The following ANO2 variants were observed in gnomAD, a reference collection of about 807,000 sequenced individuals.
ANO2 encodes the protein anoctamin 2.
ANO2 carries 101 observed loss-of-function variants against 124.2 expected under a neutral mutation model. The ratio of observed to expected loss-of-function variants is 0.81; its 90% CI spans 0.69 to 0.96. The LOEUF (loss-of-function observed/expected upper bound fraction) is 0.96, where lower values mean the gene tolerates loss of function less well. Among genes scored for constraint, ANO2 ranks in the 40% least tolerant of loss-of-function variants. The pLI is 0.00. For synonymous variants in ANO2, 486 were observed against 482.5 expected (o/e 1.01, Z -0.09); for missense variants, 1,293 against 1,274.5 (o/e 1.01, Z -0.22).
intron 20 of ANO2, 147 bp downstream of exon 20, chr12:5,599,337 T>G: frequency 1.0e-6 from 1 of 984,380 alleles, no homozygotes; most frequent in Non-Finnish European, 1.5e-6. Flanking sequence ...CATGTGGCAC[T>G]GAAGGGAACA....
intron 1 of ANO2, among the ~76,000 whole-genome samples, chr12:5,934,786 T>C (rs1339293262): frequency 1.2e-4 from 18 of 152,218 alleles, no homozygotes; most frequent in Admixed American, 1.1e-3. Context: ...TCCCTCCGTG[T>C]CCCTCATCAT....
intron 4 of ANO2, among the ~76,000 whole-genome samples, chr12:5,853,342 T>TA (rs35363284): frequency 2.0e-3 from 295 of 145,728 alleles, no homozygotes; most frequent in African/African-American, 6.1e-3. Context: ...TATCCTGGAT[T>TA]AAAAAAAAAA....
chr12:5,869,927 A>G (rs1191320456), intron 3 of ANO2, among the ~76,000 whole-genome samples: 1 of 152,200 alleles, frequency 6.6e-6, no homozygotes, highest in East Asian at 1.9e-4. Flanking sequence ...AGGAAGAAAC[A>G]TAACTACTGC....
chr12:5,722,787 C>G (rs1421796741), intron 14 of ANO2, among the ~76,000 whole-genome samples: 1 of 152,070 alleles, frequency 6.6e-6, no homozygotes, highest in African/African-American at 2.4e-5. Flanking sequence ...TGAATTTATA[C>G]GTGAATAAAA....
At chr12:5,883,996 C>G (rs1591739507) in intron 3 of ANO2, among the ~76,000 whole-genome samples, 1 of 152,068 alleles carries the variant, frequency 6.6e-6, no homozygotes. Context: ...TTGAAAAAAC[C>G]AAGTCACAGA....
intron 7 of ANO2, among the ~76,000 whole-genome samples, chr12:5,822,637 C>A (rs1051348407): frequency 9.2e-5 from 14 of 152,164 alleles, no homozygotes; most frequent in African/African-American, 3.4e-4. Context: ...CAACCAGCTA[C>A]ATGATGGCAG....
At chr12:5,879,990 G>C (rs6489668) in intron 3 of ANO2, among the ~76,000 whole-genome samples, 70,167 of 151,854 alleles carry the variant, frequency 0.46, 16,422 homozygotes, top group South Asian at 0.59. Flanking sequence ...AATCACACAA[G>C]GGTAGATAGT....
chr12:5,917,494 TATTTA>T (rs1259200855), intron 3 of ANO2, among the ~76,000 whole-genome samples: 1 of 152,132 alleles, frequency 6.6e-6, no homozygotes, highest in Admixed American at 6.6e-5. Flanking sequence ...CTAGGTACTT[TATTTA>T]GTTACCTTGT....
At chr12:5,565,495 G>C (rs992826803) in intron 24 of ANO2, 63 bp downstream of exon 24, 34 of 1,353,440 alleles carry the variant, frequency 2.5e-5, no homozygotes, top group Non-Finnish European at 3.0e-5. Flanking sequence ...CAAGCAATGA[G>C]TGCAGTGTCC....
At chr12:5,940,588 T>A (rs1205578401) in intron 1 of ANO2, among the ~76,000 whole-genome samples, 3 of 152,178 alleles carry the variant, frequency 2.0e-5, no homozygotes, top group Non-Finnish European at 1.5e-5. Context: ...TTCACGTCCA[T>A]GAGGATGGCT....
Position 5,713,427 on chromosome 12 carries a change from G to A in ANO2, c.1545+19093C>T, listed in dbSNP as rs189804731. 2.5e-4 allele frequency among the ~76,000 whole-genome samples: 38 copies of A among 152,200 alleles called. No homozygotes were observed. In the East Asian group the frequency reaches 4.1e-3, roughly 16 times the overall value. On this transcript the variant is annotated intron_variant, in intron 14 of 24. Transcript: ENST00000682330. ...GTGTTTAAAGTTCTCTGTGGGTCTCGAAGTTCTTTAAACATTCCCTTCCAG... is the reference window on the plus strand; with the variant it reads ...GTGTTTAAAGTTCTCTGTGGGTCTCAAAGTTCTTTAAACATTCCCTTCCAG...
chr12:5,632,915 A>T (rs528118284), intron 16 of ANO2, among the ~76,000 whole-genome samples: 12 of 151,816 alleles, frequency 7.9e-5, no homozygotes, highest in Non-Finnish European at 1.5e-4. Flanking sequence ...TGGATCTCCT[A>T]CCTCTCCCTA....
At chr12:5,640,785 A>G (rs1946328535) in intron 15 of ANO2, among the ~76,000 whole-genome samples, 1 of 152,212 alleles carries the variant, frequency 6.6e-6, no homozygotes, top group Non-Finnish European at 1.5e-5. Context: ...GGGAGCGTGA[A>G]CTAGTTCAAC....
At chr12:5,640,314 C>T (rs902337448) in intron 15 of ANO2, among the ~76,000 whole-genome samples, 3 of 152,190 alleles carry the variant, frequency 2.0e-5, no homozygotes, top group African/African-American at 7.2e-5. Context: ...CTTTGGCTTA[C>T]CCGAACTTTA....
chr12:5,827,590 A>G (rs1407780560), intron 7 of ANO2, 179 bp downstream of exon 7: 3 of 705,076 alleles, frequency 4.3e-6, no homozygotes, highest in Non-Finnish European at 7.3e-6. Context: ...CCACTGAGAA[A>G]TGGGACCCCC....
At chr12:5,684,667 G>A (rs1179989991) in intron 14 of ANO2, among the ~76,000 whole-genome samples, 1 of 152,116 alleles carries the variant, frequency 6.6e-6, no homozygotes, top group Non-Finnish European at 1.5e-5. Context: ...CTAAACCTCT[G>A]AGCATATGGG....
chr12:5,668,134 C>A (rs1218241331), intron 14 of ANO2, among the ~76,000 whole-genome samples: 1 of 152,222 alleles, frequency 6.6e-6, no homozygotes, highest in Non-Finnish European at 1.5e-5. Flanking sequence ...TCCACACTAT[C>A]TTCCACAATA....
At chr12:5,579,122 G>A (rs866630856) in intron 20 of ANO2, among the ~76,000 whole-genome samples, 2 of 152,310 alleles carry the variant, frequency 1.3e-5, no homozygotes, top group Non-Finnish European at 2.9e-5. Context: ...CACTGCCTTT[G>A]TTTAGAAAGT....
intron 11 of ANO2, among the ~76,000 whole-genome samples, chr12:5,746,909 T>C (rs1343296243): frequency 1.3e-5 from 2 of 152,354 alleles, no homozygotes; most frequent in Admixed American, 6.5e-5. Flanking sequence ...GCTTAACAAA[T>C]GAAATCAATC....
Sources: gnomAD v4.1 joint callset for allele counts (sites outside exome capture counted in the v4.1 genomes callset) on GRCh38, gnomAD v4.1.1 for gene constraint, MANE v1.5 for transcripts, NCBI Gene and HGNC (gene_info 2026-07-23, HGNC 2026-07-21) for gene names.